The following MID2 variants were observed in gnomAD, a reference collection of about 807,000 sequenced individuals.
MID2 encodes midline 2.
A neutral mutation model predicts 46.1 loss-of-function variants in MID2; 13 were observed. The observed-to-expected ratio is 0.28, with a 90% CI of 0.18 to 0.45. The LOEUF (loss-of-function observed/expected upper bound fraction) is 0.45. Ranked by LOEUF, MID2 falls within the 20% of genes least tolerant of loss-of-function variation. The pLI, the probability that MID2 is intolerant of heterozygous loss-of-function variation, is 1.00. For synonymous variants in MID2, 199 were observed against 212.3 expected, an observed-to-expected ratio of 0.94 and a Z score of 0.55; for missense variants, 431 against 575.4, an observed-to-expected ratio of 0.75 and a Z score of 2.57.
intron 3 of MID2, among the ~76,000 whole-genome samples, chrX:107,902,024 A>G (rs1298403814): frequency 2.7e-5 from 3 of 112,008 alleles, no homozygotes; most frequent in African/African-American, 9.7e-5. Flanking sequence ...AGAGCAGCAT[A>G]TGTGTAAGGT....
chrX:107,879,843 T>A (rs1221650979), intron 3 of MID2, among the ~76,000 whole-genome samples: 1 of 111,281 alleles, frequency 9.0e-6, no homozygotes, highest in Non-Finnish European at 1.9e-5. Flanking sequence ...TCATGATCAA[T>A]TTTAAATGCT....
At chrX:107,886,699 T>C (rs1932461060) in intron 3 of MID2, among the ~76,000 whole-genome samples, 1 of 111,958 alleles carries the variant, frequency 8.9e-6, no homozygotes, top group Non-Finnish European at 1.9e-5. Context: ...ATTGAATCTA[T>C]AAATTACCTT....
At chrX:107,875,160 A>G (rs1932168853) in intron 3 of MID2, among the ~76,000 whole-genome samples, 3 of 111,667 alleles carry the variant, frequency 2.7e-5, no homozygotes, top group African/African-American at 9.8e-5. Context: ...CTCAAATGCA[A>G]ACAAATACTG....
intron 5 of MID2, among the ~76,000 whole-genome samples, chrX:107,909,991 C>CT (rs1244731820): frequency 8.9e-6 from 1 of 112,293 alleles, no homozygotes; most frequent in Admixed American, 9.4e-5. Flanking sequence ...TATCCATTAC[C>CT]TCACCATTTT....
intron 2 of MID2, among the ~76,000 whole-genome samples, chrX:107,848,958 G>A (rs923020812): frequency 8.9e-6 from 1 of 112,088 alleles, no homozygotes; most frequent in African/African-American, 3.2e-5. Context: ...TCAAAGAATA[G>A]TAATGGGGCC....
intron 2 of MID2, among the ~76,000 whole-genome samples, chrX:107,854,229 T>C (rs747936877): frequency 1.7e-4 from 19 of 112,230 alleles, no homozygotes; most frequent in Non-Finnish European, 3.2e-4. Context: ...ATAGTTTTCT[T>C]AGTCTACTCA....
intron 3 of MID2, among the ~76,000 whole-genome samples, chrX:107,893,837 T>G (rs927912208): frequency 8.8e-6 from 1 of 113,155 alleles, no homozygotes; most frequent in African/African-American, 3.2e-5. Flanking sequence ...CTAGCACATC[T>G]AATGATGTCC....
At chrX:107,862,540 T>C (rs1251519528) in intron 3 of MID2, among the ~76,000 whole-genome samples, 2 of 112,042 alleles carry the variant, frequency 1.8e-5, no homozygotes, top group African/African-American at 6.5e-5. Context: ...TAGTTTGCAG[T>C]TACTAATTTA....
chrX:107,871,300 C>T (rs1932059962), intron 3 of MID2, among the ~76,000 whole-genome samples: 1 of 111,690 alleles, frequency 9.0e-6, no homozygotes, highest in African/African-American at 3.3e-5. Context: ...GGGCAGACTC[C>T]ACTTGCTTGG....
At chrX:107,843,774 C>G (rs965056361) in intron 2 of MID2, among the ~76,000 whole-genome samples, 1 of 110,568 alleles carries the variant, frequency 9.0e-6, no homozygotes, top group African/African-American at 3.3e-5. Context: ...CACATATACT[C>G]ACTTCTTTGG....
At chrX:107,847,855 G>A (rs1236553017) in intron 2 of MID2, among the ~76,000 whole-genome samples, 1 of 111,417 alleles carries the variant, frequency 9.0e-6, no homozygotes, top group African/African-American at 3.3e-5. Context: ...TGGAAGAACA[G>A]GGGCTGTTAC....
chrX:107,916,256 T>C (rs1193477059), intron 6 of MID2, 127 bp downstream of exon 6: 10 of 517,397 alleles, frequency 1.9e-5, no homozygotes, highest in Non-Finnish European at 2.8e-5. Flanking sequence ...ATGATGCATG[T>C]GTCTTTTCAG....
chrX:107,845,876 G>A (rs145224159), intron 2 of MID2, among the ~76,000 whole-genome samples: 1 of 111,352 alleles, frequency 9.0e-6, no homozygotes, highest in African/African-American at 3.3e-5. Context: ...ACCAGTGTAA[G>A]TATAAATATA....
At chrX:107,866,416 A>T (rs1444935580) in intron 3 of MID2, among the ~76,000 whole-genome samples, 2 of 91,375 alleles carry the variant, frequency 2.2e-5, no homozygotes, top group Admixed American at 2.8e-4. Flanking sequence ...CAGCAAAGCC[A>T]CTGAAAACAC....
At chrX:107,871,436 G>A (rs1278261028) in intron 3 of MID2, among the ~76,000 whole-genome samples, 1 of 111,704 alleles carries the variant, frequency 9.0e-6, no homozygotes, top group Non-Finnish European at 1.9e-5. Context: ...CTAGGGGGGT[G>A]TCCATATCTC....
chrX:107,911,014 C>T (rs1055364941), intron 5 of MID2, among the ~76,000 whole-genome samples: 2 of 104,051 alleles, frequency 1.9e-5, no homozygotes, highest in African/African-American at 7.0e-5. Context: ...CCATTACGCC[C>T]GGCTAATTTT....
Position 107,826,443 on chromosome X carries a change from C to G in MID2, c.4+13C>G. 1 of 1,135,158 alleles carries G rather than the reference C, an allele frequency of 8.8e-7. No individual in the cohort carries two copies. The highest frequency in any genetic ancestry group is 1.2e-6 in the Non-Finnish European group (1 of 858,116). 93.5% of individuals were successfully genotyped at this position (1,135,158 alleles called of 1,213,427 possible). A position where few individuals can be genotyped will look rare whatever the true frequency, so the allele number is the denominator to read the frequency against. ...GGGAACGCTATGGGTAAAACGCGCC[C>G]CCTCGCCGCGGCCCTGGAGGTCGAG... On this transcript the variant is annotated intron_variant, in intron 1 of 9. Coordinates refer to ENST00000262843, the MANE Select transcript of MID2 (RefSeq NM_012216.4).
At chrX:107,919,334 C>T (rs1276102920) in intron 7 of MID2, among the ~76,000 whole-genome samples, 3 of 110,957 alleles carry the variant, frequency 2.7e-5, no homozygotes, top group Non-Finnish European at 5.7e-5. Context: ...GTGAGTTGCC[C>T]AAAGTCACAG....
intron 3 of MID2, among the ~76,000 whole-genome samples, chrX:107,856,297 C>A (rs1237001752): frequency 9.0e-6 from 1 of 111,635 alleles, no homozygotes; most frequent in Non-Finnish European, 1.9e-5. Flanking sequence ...ATAAGACATC[C>A]ACACTGGCAA....
Sources: allele counts gnomAD v4.1 joint callset (sites outside exome capture counted in the v4.1 genomes callset), GRCh38; gene constraint gnomAD v4.1.1; transcripts MANE v1.5; gene names NCBI Gene and HGNC (gene_info 2026-07-23, HGNC 2026-07-21).